Variants in SMC4 observed in about 807,000 individuals in gnomAD.
SMC4 encodes structural maintenance of chromosomes protein 4.
SMC4 carries 87 observed loss-of-function variants against 145.6 expected under a neutral mutation model. The observed-to-expected ratio is 0.60, with a 90% confidence interval of 0.50 to 0.71. The LOEUF (loss-of-function observed/expected upper bound fraction) is 0.71. SMC4 is among the 30% of genes least tolerant of loss of function. The pLI is 0.00. For missense variants in SMC4, 1,447 were observed against 1,537.1 expected (o/e 0.94, Z 0.98); for synonymous variants, 558 against 500.7 (o/e 1.11, Z -1.53).
Position 160,416,435 on chromosome 3 carries a change from CAG to C in SMC4, c.1437+21_1437+22del, listed in dbSNP as rs1716599541. 3 of 1,340,646 alleles carry C rather than the reference CAG, an allele frequency of 2.2e-6. No individual in the cohort carries two copies. Among genetic ancestry groups the C allele is most frequent in the African/African-American group, 1.5e-5 (1 of 65,664 alleles). 83.0% of individuals were successfully genotyped at this position (1,340,646 alleles called of 1,614,324 possible). ...AAAGAAGTAAGTTTTTTTTTTTTAT[CAG>C]TGTTTATTTTGGTGGCTTTTTTTTT... On this transcript the variant is annotated intron_variant, in intron 10 of 23. Coordinates refer to ENST00000357388, the MANE Select transcript of SMC4 (RefSeq NM_001002800.3).
At chr3:160,429,167 G>A (rs1718105478) in intron 18 of SMC4, among the ~76,000 whole-genome samples, 1 of 151,920 alleles carries the variant, frequency 6.6e-6, no homozygotes, top group East Asian at 1.9e-4. Context: ...GAAAGTACAG[G>A]TAGACTGTAA....
intron 12 of SMC4, 130 bp downstream of exon 12, chr3:160,419,673 G>T: frequency 2.4e-6 from 2 of 837,842 alleles, no homozygotes; most frequent in Non-Finnish European, 3.5e-6. Flanking sequence ...TTTGTTTTAA[G>T]GCACATTTAT....
Position 160,419,502 on chromosome 3 carries a change from GAAA to G in SMC4, c.1822_1824del (p.Lys608del). 2 of 1,596,890 alleles carry G rather than the reference GAAA, an allele frequency of 1.3e-6. No individual in the cohort carries two copies. Among genetic ancestry groups the G allele is most frequent in the South Asian group, 1.1e-5 (1 of 87,052 alleles). ...GAAAGTCCTTGATGCAATAATTCAA[GAAA>G]AAAAATCTGGCAGGATTCCAGGAAT... On this transcript the variant is annotated inframe_deletion, in exon 12 of 24. Transcript: ENST00000357388.
At position 160,423,589 on chromosome 3, in the gene SMC4, A is replaced by G; in HGVS notation, c.2184A>G (p.Ala728=). ...ACTTGGATCAAGCCACAAGAGTAGC[A>G]TATCAAAAAGATAGAAGATGGAGAG... ...ADNLDQATRV[A]YQKDRRWRVV... The change falls in exon 14 of 24, where the codon GCA becomes GCG. Residue 728 remains alanine, a synonymous_variant. Transcript: ENST00000357388. 1 of 1,613,876 alleles carries G rather than the reference A, an allele frequency of 6.2e-7. No homozygotes were observed. Among genetic ancestry groups the G allele is most frequent in the Middle Eastern group, 1.7e-4 (1 of 6,058 alleles).
chr3:160,423,586 A>G lies in SMC4; in HGVS notation c.2181A>G (p.Val727=). 1 of 1,613,914 alleles carries G rather than the reference A, an allele frequency of 6.2e-7. No individual in the cohort carries two copies. The highest frequency in any genetic ancestry group is 8.5e-7 in the Non-Finnish European group (1 of 1,179,858). ...ACAACTTGGATCAAGCCACAAGAGT[A>G]GCATATCAAAAAGATAGAAGATGGA... ...VADNLDQATR[V]AYQKDRRWRV... is the part of the protein sequence containing the mutation. The change falls in exon 14 of 24, where the codon GTA becomes GTG. Residue 727 remains valine (V), a synonymous_variant. Coordinates refer to ENST00000357388, the MANE Select transcript of SMC4 (RefSeq NM_001002800.3).
At chr3:160,431,500 T>C in intron 20 of SMC4, 143 bp from the exon 21 acceptor site, 1 of 706,476 alleles carries the variant, frequency 1.4e-6, no homozygotes, top group South Asian at 2.1e-5. Flanking sequence ...CTATTTTTCT[T>C]GAAGTCCTTT....
chr3:160,433,646 T>TTTCTCTTTAGGAACAAACAAAAAATGC lies in SMC4; in HGVS notation c.3715-10_3731dup. Reference sequence around the variant, plus strand: ...TTACTTAATGTTTGACTTTTCTTTGTTTCTCTTTAGGAACAAACAAAAAAT... The same window carrying TTTCTCTTTAGGAACAAACAAAAAATGC: ...TTACTTAATGTTTGACTTTTCTTTGTTTCTCTTTAGGAACAAACAAAAAATGCTTCTCTTTAGGAACAAACAAAAAAT... On this transcript the variant is annotated splice_polypyrimidine_tract_variant and intron_variant, in intron 23 of 23. Transcript: ENST00000357388. 6.7e-7 allele frequency: 1 copy of TTTCTCTTTAGGAACAAACAAAAAATGC among 1,495,968 alleles called. No homozygotes were observed. The highest frequency in any genetic ancestry group is 9.0e-7 in the Non-Finnish European group (1 of 1,109,562). 92.7% of individuals were successfully genotyped at this position (1,495,968 alleles called of 1,614,324 possible). A position where few individuals can be genotyped will look rare whatever the true frequency, so the allele number is the denominator to read the frequency against.
chr3:160,400,748 G>T, intron 1 of SMC4, 74 bp from the exon 2 acceptor site: 1 of 1,403,352 alleles, frequency 7.1e-7, no homozygotes. Flanking sequence ...GGTGGACCGA[G>T]ATTTCCCCGG....
chr3:160,420,142 A>C (rs896423531), intron 12 of SMC4, among the ~76,000 whole-genome samples: 1 of 152,132 alleles, frequency 6.6e-6, no homozygotes, highest in African/African-American at 2.4e-5. Context: ...CCTTAACCCC[A>C]CCTATTTCCT....
At chr3:160,399,807 G>C (rs1714265221) in intron 1 of SMC4, 58 bp downstream of exon 1, 1 of 152,354 alleles carries the variant, frequency 6.6e-6, no homozygotes, top group African/African-American at 2.4e-5. Context: ...CCTTGTCCGC[G>C]AGCGCCTGGA....
At chr3:160,402,493 C>G (rs957192252) in intron 3 of SMC4, among the ~76,000 whole-genome samples, 183 bp from the exon 4 acceptor site, 1 of 152,072 alleles carries the variant, frequency 6.6e-6, no homozygotes, top group African/African-American at 2.4e-5. Context: ...AATGTTGAAG[C>G]TTTTAAGAGA....
At chr3:160,433,305 C>A (rs1718614320) in intron 23 of SMC4, 96 bp downstream of exon 23, 8 of 844,534 alleles carry the variant, frequency 9.5e-6, no homozygotes, top group African/African-American at 1.7e-5. Flanking sequence ...TGAGCTTTTT[C>A]TTTATTGTCT....
chr3:160,424,663 CG>C (rs1400348163), intron 15 of SMC4, among the ~76,000 whole-genome samples: 6 of 152,066 alleles, frequency 3.9e-5, no homozygotes, highest in Non-Finnish European at 8.8e-5. Flanking sequence ...AAAAATTAGC[CG>C]GGCGTGGTGG....
At chr3:160,423,365 TTTTTTGAGTTTTC>T in intron 13 of SMC4, 47 bp from the exon 14 acceptor site, 5 of 988,020 alleles carry the variant, frequency 5.1e-6, no homozygotes, top group African/African-American at 1.7e-5. Context: ...TTTTGTTTTT[TTTTTTGAGTTTTC>T]TTTTTTGTTA....
chr3:160,402,131 A>G (rs1714754458), intron 3 of SMC4, 38 bp downstream of exon 3: 6 of 1,325,994 alleles, frequency 4.5e-6, no homozygotes, highest in Non-Finnish European at 5.1e-6. Context: ...AACTTTTTAA[A>G]TAACTATTGT....
chr3:160,421,516 C>T (rs950335359), intron 13 of SMC4, among the ~76,000 whole-genome samples: 23 of 152,058 alleles, frequency 1.5e-4, no homozygotes, highest in Admixed American at 1.2e-3. Context: ...GAGGCCAAGG[C>T]GGGCGGATCA....
At position 160,413,597 on chromosome 3, in the gene SMC4, G is replaced by A. The variant is rs1576957634; in HGVS notation, c.1105G>A (p.Val369Ile). ...SNEMKAKNKD[V>I]KDTEKKLNKI... Reference sequence around the variant, plus strand: ...TGAAATGAAAGCTAAGAATAAAGATGTAAAAGATACAGAAAAGTAATAATA... The same window carrying A: ...TGAAATGAAAGCTAAGAATAAAGATATAAAAGATACAGAAAAGTAATAATA... Residue 369 changes from valine (V) to isoleucine (I), a missense_variant, in exon 8 of 24, where the codon GTA becomes ATA. Physicochemically the swap from Val to Ile is conservative, Grantham distance 29. Transcript: ENST00000357388. 1 of 1,411,926 alleles carries A rather than the reference G, an allele frequency of 7.1e-7. No homozygotes were observed. The highest frequency in any genetic ancestry group is 9.7e-7 in the Non-Finnish European group (1 of 1,026,690). 87.5% of individuals were successfully genotyped at this position (1,411,926 alleles called of 1,614,324 possible). A position where few individuals can be genotyped will look rare whatever the true frequency, so the allele number is the denominator to read the frequency against.
chr3:160,399,843 C>G (rs1419130019), intron 1 of SMC4, 94 bp downstream of exon 1: 1 of 152,254 alleles, frequency 6.6e-6, no homozygotes, highest in Non-Finnish European at 1.5e-5. Context: ...GCCCGAGCGG[C>G]GAAGTCCGGG....
Position 160,414,478 on chromosome 3 carries a change from C to T in SMC4, c.1233C>T (p.Ala411=). 1 of 1,610,386 alleles carries T rather than the reference C, an allele frequency of 6.2e-7. No individual in the cohort carries two copies. The highest frequency in any genetic ancestry group is 8.5e-7 in the Non-Finnish European group (1 of 1,179,106). ...REKLKHATSK[A]KKLEKQLQKD... The stretch of plus-strand genomic sequence containing the variant: ...AGTTAAAACATGCCACGAGTAAAGC[C>T]AAAAAACTGGAGAAACAACTTCAAA... Residue 411 remains alanine, a synonymous_variant, in exon 9 of 24, where the codon GCC becomes GCT. Transcript: ENST00000357388.
Sources: gnomAD v4.1 joint callset for allele counts (sites outside exome capture counted in the v4.1 genomes callset) on GRCh38, gnomAD v4.1.1 for gene constraint, MANE v1.5 for transcripts, NCBI Gene and HGNC (gene_info 2026-07-23, HGNC 2026-07-21) for gene names.